The following PRKN variants were observed in gnomAD, a reference collection of about 807,000 sequenced individuals.
PRKN encodes the protein E3 ubiquitin-protein ligase parkin.
In PRKN, 56 loss-of-function variants were observed where a neutral mutation model predicts 59.5. The observed-to-expected ratio is 0.94, with a 90% CI of 0.76 to 1.18. The LOEUF (loss-of-function observed/expected upper bound fraction) is 1.18, where lower values mean the gene tolerates loss of function less well. Among genes scored for constraint, PRKN ranks in the 50% most tolerant of loss-of-function variants. The pLI is 0.00. For missense variants in PRKN, 657 were observed against 596.4 expected, an observed-to-expected ratio of 1.10 and a Z score of -1.06; for synonymous variants, 250 against 222.1, an observed-to-expected ratio of 1.13 and a Z score of -1.12.
intron 7 of PRKN, among the ~76,000 whole-genome samples, chr6:161,664,926 T>C (rs1784673789): frequency 6.6e-6 from 1 of 151,798 alleles, no homozygotes; most frequent in Admixed American, 6.6e-5. Flanking sequence ...GTAGCTGGGA[T>C]TACAGGTGTG....
At chr6:162,482,379 G>T (rs373156785) in intron 1 of PRKN, among the ~76,000 whole-genome samples, 1 of 152,112 alleles carries the variant, frequency 6.6e-6, no homozygotes, top group African/African-American at 2.4e-5. Flanking sequence ...AAGTGCACTT[G>T]AAGAAATTCC....
At chr6:161,431,129 ACT>A (rs1165376194) in intron 9 of PRKN, among the ~76,000 whole-genome samples, 40 of 106,068 alleles carry the variant, frequency 3.8e-4, no homozygotes, top group Admixed American at 2.3e-3. Context: ...ACAGAGCGAG[ACT>A]CTGTCTCAAA....
At chr6:162,309,958 C>T (rs900928677) in intron 2 of PRKN, among the ~76,000 whole-genome samples, 3 of 152,240 alleles carry the variant, frequency 2.0e-5, no homozygotes, top group African/African-American at 7.2e-5. Context: ...TAAGAACATG[C>T]TGTGTTTGGT....
At chr6:162,649,972 T>C (rs1357162727) in intron 1 of PRKN, among the ~76,000 whole-genome samples, 1 of 152,166 alleles carries the variant, frequency 6.6e-6, no homozygotes, top group Non-Finnish European at 1.5e-5. Flanking sequence ...GCCTGGGAAT[T>C]AGACAGCAAA....
chr6:162,258,536 A>G (rs1333781173), intron 3 of PRKN, among the ~76,000 whole-genome samples: 2 of 152,168 alleles, frequency 1.3e-5, no homozygotes, highest in Non-Finnish European at 2.9e-5. Context: ...ATGTAGTAAA[A>G]ATAGATTTTA....
At chr6:162,620,214 A>G (rs1396011204) in intron 1 of PRKN, among the ~76,000 whole-genome samples, 1 of 152,078 alleles carries the variant, frequency 6.6e-6, no homozygotes, top group Non-Finnish European at 1.5e-5. Flanking sequence ...TATAACTTCA[A>G]GTAATATATA....
chr6:161,889,564 A>G (rs1255528019), intron 6 of PRKN, among the ~76,000 whole-genome samples: 2 of 152,314 alleles, frequency 1.3e-5, no homozygotes, highest in South Asian at 2.1e-4. Flanking sequence ...AGGCCAGGTC[A>G]GGTGGTGCTG....
At chr6:162,028,503 G>A (rs1047554876) in intron 5 of PRKN, among the ~76,000 whole-genome samples, 4 of 152,212 alleles carry the variant, frequency 2.6e-5, no homozygotes, top group African/African-American at 9.6e-5. Context: ...TCCTGTGGAG[G>A]TGTGCGTGGA....
chr6:161,882,392 G>A (rs1794970375), intron 6 of PRKN, among the ~76,000 whole-genome samples: 1 of 152,160 alleles, frequency 6.6e-6, no homozygotes, highest in Non-Finnish European at 1.5e-5. Flanking sequence ...GCCCTCCAGG[G>A]AGGGGAGGCT....
intron 6 of PRKN, among the ~76,000 whole-genome samples, chr6:161,958,511 A>G (rs1313192696): frequency 1.3e-5 from 2 of 152,204 alleles, no homozygotes; most frequent in African/African-American, 4.8e-5. Context: ...GTAAAAAATA[A>G]TAATAATAAT....
At chr6:161,900,150 A>T (rs1002878355) in intron 6 of PRKN, among the ~76,000 whole-genome samples, 2 of 151,762 alleles carry the variant, frequency 1.3e-5, no homozygotes, top group African/African-American at 4.8e-5. Flanking sequence ...AAAAATATAG[A>T]TAATCGGAAA....
At chr6:162,630,262 C>T (rs915732769) in intron 1 of PRKN, among the ~76,000 whole-genome samples, 3 of 152,104 alleles carry the variant, frequency 2.0e-5, no homozygotes, top group African/African-American at 7.2e-5. Context: ...ATAAATTCTT[C>T]CCTAAGCTTT....
In PRKN at chr6:162,566,055, C is replaced by T. The variant is rs1024947690; in HGVS notation, c.8-122582G>A. ...ATAAGAACTTTAAATATATATGCACCCAACACTGGAGCACCCAGATATATT... is the reference window on the plus strand; with the variant it reads ...ATAAGAACTTTAAATATATATGCACTCAACACTGGAGCACCCAGATATATT... On this transcript the variant is annotated intron_variant, in intron 1 of 11. Coordinates refer to ENST00000366898, the MANE Select transcript of PRKN (RefSeq NM_004562.3). Among the ~76,000 whole-genome samples, 3 of 151,932 alleles carry T rather than the reference C, an allele frequency of 2.0e-5. No individual in the cohort carries two copies. In the South Asian group the frequency reaches 6.2e-4, roughly 32 times the overall value.
intron 1 of PRKN, among the ~76,000 whole-genome samples, chr6:162,679,845 A>G (rs1562491662): frequency 6.6e-6 from 1 of 152,154 alleles, no homozygotes; most frequent in Admixed American, 6.5e-5. Flanking sequence ...ATGAAACTTT[A>G]AAAATGAAGA....
At chr6:162,632,669 TA>T (rs1303842121) in intron 1 of PRKN, among the ~76,000 whole-genome samples, 1 of 151,586 alleles carries the variant, frequency 6.6e-6, no homozygotes, top group Non-Finnish European at 1.5e-5. Flanking sequence ...AAATATAAAT[TA>T]AAAAAATAAA....
intron 6 of PRKN, among the ~76,000 whole-genome samples, chr6:161,970,236 C>G (rs1780748382): frequency 6.6e-6 from 1 of 151,456 alleles, no homozygotes; most frequent in African/African-American, 2.4e-5. Context: ...GGGACAGGGT[C>G]TTGCCATGTT....
intron 1 of PRKN, among the ~76,000 whole-genome samples, chr6:162,598,124 A>G (rs73595947): frequency 0.021 from 3,142 of 152,310 alleles, 112 homozygotes; most frequent in African/African-American, 0.071. Flanking sequence ...AGGAAGTGTA[A>G]TATTTGTGCA....
At chr6:161,631,594 A>G (rs932816482) in intron 7 of PRKN, among the ~76,000 whole-genome samples, 1 of 152,246 alleles carries the variant, frequency 6.6e-6, no homozygotes, top group African/African-American at 2.4e-5. Flanking sequence ...TGTATCCATC[A>G]TAATATGAGG....
At chr6:162,379,849 T>C (rs908044598) in intron 2 of PRKN, among the ~76,000 whole-genome samples, 3 of 152,190 alleles carry the variant, frequency 2.0e-5, no homozygotes, top group African/African-American at 7.2e-5. Context: ...TTATACAATA[T>C]CTGCTTTTTA....
Sources: gnomAD v4.1 joint callset for allele counts (sites outside exome capture counted in the v4.1 genomes callset) on GRCh38, gnomAD v4.1.1 for gene constraint, MANE v1.5 for transcripts, NCBI Gene and HGNC (gene_info 2026-07-23, HGNC 2026-07-21) for gene names.